COG5: variants seen among roughly 807,000 people sequenced by gnomAD.
COG5 encodes the protein component of oligomeric golgi complex 5.
A neutral mutation model predicts 110.4 loss-of-function variants in COG5; 86 were observed. The ratio of observed to expected loss-of-function variants is 0.78; its 90% CI spans 0.65 to 0.93. The LOEUF is 0.93. Among genes scored for constraint, COG5 ranks in the 40% least tolerant of loss-of-function variants. The pLI, the probability that COG5 is intolerant of heterozygous loss-of-function variation, is 0.00. For synonymous variants in COG5, 360 were observed against 334.6 expected (o/e 1.08, Z -0.83); for missense variants, 1,077 against 987.0 (o/e 1.09, Z -1.22).
intron 7 of COG5, among the ~76,000 whole-genome samples, chr7:107,380,767 C>G (rs1815049580): frequency 6.6e-6 from 1 of 152,102 alleles, no homozygotes; most frequent in Admixed American, 6.5e-5. Context: ...CGAAACTATT[C>G]CAAACAATAG....
chr7:107,319,957 G>T (rs1809108965), intron 11 of COG5, among the ~76,000 whole-genome samples: 1 of 152,094 alleles, frequency 6.6e-6, no homozygotes, highest in African/African-American at 2.4e-5. Context: ...GGGAAACACA[G>T]TGAGACTCCA....
chr7:107,549,624 G>C (rs375099209), intron 3 of COG5, among the ~76,000 whole-genome samples: 2 of 148,230 alleles, frequency 1.3e-5, no homozygotes, highest in African/African-American at 2.5e-5. Flanking sequence ...GGATGGTCTC[G>C]ACCTCCTGAC....
At chr7:107,358,032 G>T (rs1562987094) in intron 10 of COG5, among the ~76,000 whole-genome samples, 1 of 152,068 alleles carries the variant, frequency 6.6e-6, no homozygotes, top group Non-Finnish European at 1.5e-5. Flanking sequence ...ATAATTTATT[G>T]TTATCAAGAA....
chr7:107,214,509 T>C (rs551359707), intron 19 of COG5, among the ~76,000 whole-genome samples: 107 of 152,306 alleles, frequency 7.0e-4, no homozygotes, highest in African/African-American at 2.5e-3. Context: ...TAATAAAATA[T>C]ATGAAAACAC....
At chr7:107,504,133 T>G (rs184659266) in intron 6 of COG5, among the ~76,000 whole-genome samples, 4 of 152,166 alleles carry the variant, frequency 2.6e-5, no homozygotes, top group Non-Finnish European at 5.9e-5. Flanking sequence ...GGCTGTGGGT[T>G]TGTCATATAT....
At chr7:107,280,681 G>A (rs1158100681) in intron 14 of COG5, among the ~76,000 whole-genome samples, 1 of 151,816 alleles carries the variant, frequency 6.6e-6, no homozygotes, top group Non-Finnish European at 1.5e-5. Context: ...TGAAATATGT[G>A]TGCTTAACTT....
In COG5 at chr7:107,231,782, GGATTAGAT is replaced by G. The variant is rs1398751721; in HGVS notation, c.2092-1099_2092-1092del. ...GTGCTAGGTACCAAGCTAGATATGA[GGATTAGAT>G]GATTAGATGATTAGACTATCTTGCC... On this transcript the variant is annotated intron_variant, in intron 18 of 21. Coordinates refer to ENST00000297135, the MANE Select transcript of COG5 (RefSeq NM_006348.5). Among the ~76,000 whole-genome samples the G allele has an allele frequency of 8.5e-5, 13 of 152,188 alleles. No homozygotes were observed. In the East Asian group the frequency reaches 1.4e-3, roughly 16 times the overall value.
chr7:107,251,133 C>CAA (rs564589238), intron 16 of COG5, among the ~76,000 whole-genome samples: 129 of 54,814 alleles, frequency 2.4e-3, no homozygotes, highest in South Asian at 5.1e-3. Flanking sequence ...TGAAACTAGC[C>CAA]AAAAAAAAAA....
At chr7:107,293,691 C>G (rs1356684183) in intron 12 of COG5, among the ~76,000 whole-genome samples, 9 of 152,084 alleles carry the variant, frequency 5.9e-5, no homozygotes, top group Admixed American at 5.9e-4. Flanking sequence ...TCTATAAATG[C>G]TGGTACCTTT....
chr7:107,246,428 A>G (rs1190846997), intron 17 of COG5, among the ~76,000 whole-genome samples: 3 of 152,228 alleles, frequency 2.0e-5, no homozygotes, highest in African/African-American at 7.2e-5. Flanking sequence ...TAAACAGACA[A>G]TCTACAAAAA....
At chr7:107,466,120 C>A (rs1796281376) in intron 6 of COG5, among the ~76,000 whole-genome samples, 1 of 151,970 alleles carries the variant, frequency 6.6e-6, no homozygotes, top group South Asian at 2.1e-4. Flanking sequence ...TTGTGTAGTT[C>A]CTTGATGAAA....
At chr7:107,423,616 C>T (rs1245704481) in intron 6 of COG5, among the ~76,000 whole-genome samples, 3 of 150,866 alleles carry the variant, frequency 2.0e-5, no homozygotes, top group Non-Finnish European at 4.4e-5. Flanking sequence ...GTCTTCAAAA[C>T]ACTAGCAAAT....
At chr7:107,552,541 AATC>A (rs1456881495) in intron 3 of COG5, among the ~76,000 whole-genome samples, 1 of 152,178 alleles carries the variant, frequency 6.6e-6, no homozygotes, top group Non-Finnish European at 1.5e-5. Context: ...CAACATCACC[AATC>A]ATCAGAGAAA....
chr7:107,358,206 T>C (rs1374723559), intron 10 of COG5, among the ~76,000 whole-genome samples: 1 of 152,194 alleles, frequency 6.6e-6, no homozygotes, highest in East Asian at 1.9e-4. Context: ...TATTAAATTG[T>C]TCAAAAGGAA....
At chr7:107,249,393 C>T (rs1802308233) in intron 16 of COG5, among the ~76,000 whole-genome samples, 1 of 151,930 alleles carries the variant, frequency 6.6e-6, no homozygotes, top group Non-Finnish European at 1.5e-5. Context: ...GTTGATAGTG[C>T]CATGGTTGGG....
In COG5 at chr7:107,544,709, T is replaced by G. The variant is rs531278394; in HGVS notation, c.417+3402A>C. 5.9e-5 allele frequency among the ~76,000 whole-genome samples: 9 copies of G among 152,296 alleles called. No individual in the cohort carries two copies. The South Asian group carries it at 1.9e-3, about 32-fold the overall frequency. On this transcript the variant is annotated intron_variant, in intron 5 of 21. Transcript: ENST00000297135. ...AAAGAGTGGAGTAAGTTCCTACTTC[T>G]TCAAATGTGCAGGCACCAATACAAG...
chr7:107,452,085 A>C (rs1377840047), intron 6 of COG5, among the ~76,000 whole-genome samples: 1 of 151,924 alleles, frequency 6.6e-6, no homozygotes, highest in Non-Finnish European at 1.5e-5. Flanking sequence ...ACCACATCTC[A>C]CTGCTCCTAT....
At chr7:107,559,537 A>G (rs1283334448) in intron 1 of COG5, among the ~76,000 whole-genome samples, 2 of 152,236 alleles carry the variant, frequency 1.3e-5, no homozygotes, top group African/African-American at 4.8e-5. Context: ...TACCAGACAC[A>G]TGGCAGGTTC....
At chr7:107,285,337 C>G (rs1417880578) in intron 12 of COG5, among the ~76,000 whole-genome samples, 2 of 152,172 alleles carry the variant, frequency 1.3e-5, no homozygotes, top group African/African-American at 4.8e-5. Flanking sequence ...ATGACATCTA[C>G]TGACCTCAGA....
Sources: allele counts gnomAD v4.1 joint callset (sites outside exome capture counted in the v4.1 genomes callset), GRCh38; gene constraint gnomAD v4.1.1; transcripts MANE v1.5; gene names NCBI Gene and HGNC (gene_info 2026-07-23, HGNC 2026-07-21).